SCLT1: variants seen among roughly 807,000 people sequenced by gnomAD.
SCLT1 encodes sodium channel-associated protein 1.
A neutral mutation model predicts 112.8 loss-of-function variants in SCLT1; 78 were observed. The ratio of observed to expected loss-of-function variants is 0.69; its 90% CI spans 0.58 to 0.83. The LOEUF (loss-of-function observed/expected upper bound fraction) is 0.83. SCLT1 is among the 40% of genes least tolerant of loss of function. The pLI, the probability that SCLT1 is intolerant of heterozygous loss-of-function variation, is 0.00. For synonymous variants in SCLT1, 257 were observed against 254.7 expected (o/e 1.01, Z -0.09); for missense variants, 747 against 770.4 (o/e 0.97, Z 0.36).
Position 128,884,001 on chromosome 4 carries a change from A to G in SCLT1, c.*476T>C, listed in dbSNP as rs17348586. 0.052 allele frequency: 7,942 copies of G among 152,462 alleles called. 306 individuals are homozygous for G. Among genetic ancestry groups the G allele is most frequent in the Non-Finnish European group, 0.083 (5,647 of 68,130 alleles). 9.4% of individuals were successfully genotyped at this position (152,462 alleles called of 1,614,324 possible). A position where few individuals can be genotyped will look rare whatever the true frequency, so the allele number is the denominator to read the frequency against. On this transcript the variant is annotated 3_prime_UTR_variant, in exon 21 of 21. Transcript: ENST00000281142. Reference sequence around the variant, plus strand: ...AATACATGACAGCATCATTTTAGAAAGTGCACAATTTATTACATTTATGAG... The same window carrying G: ...AATACATGACAGCATCATTTTAGAAGGTGCACAATTTATTACATTTATGAG...
intron 2 of SCLT1, among the ~76,000 whole-genome samples, chr4:129,066,820 A>G (rs1322464912): frequency 2.0e-5 from 3 of 152,100 alleles, no homozygotes; most frequent in Non-Finnish European, 4.4e-5. Context: ...GACAAATGGC[A>G]CTATAAAGTA....
At chr4:128,931,752 G>A (rs1001949878) in intron 18 of SCLT1, among the ~76,000 whole-genome samples, 3 of 152,134 alleles carry the variant, frequency 2.0e-5, no homozygotes, top group African/African-American at 4.8e-5. Flanking sequence ...GTGAGCCACC[G>A]CACCCGGCCT....
chr4:128,991,406 T>C (rs1295729511), intron 9 of SCLT1, among the ~76,000 whole-genome samples: 1 of 151,836 alleles, frequency 6.6e-6, no homozygotes, highest in Non-Finnish European at 1.5e-5. Flanking sequence ...CTCCAGACAT[T>C]CATCTGGGTA....
intron 8 of SCLT1, among the ~76,000 whole-genome samples, chr4:128,994,897 T>C (rs1000125698): frequency 3.3e-5 from 5 of 152,186 alleles, no homozygotes; most frequent in African/African-American, 7.2e-5. Flanking sequence ...TGCTGAGTTA[T>C]AGAAATTCCT....
intron 5 of SCLT1, among the ~76,000 whole-genome samples, chr4:129,013,781 G>C (rs903540335): frequency 6.6e-6 from 1 of 152,120 alleles, no homozygotes; most frequent in African/African-American, 2.4e-5. Flanking sequence ...ATGATTATGT[G>C]TCTTGCGGAT....
chr4:129,023,678 C>T (rs758846787), intron 5 of SCLT1, among the ~76,000 whole-genome samples: 1 of 152,154 alleles, frequency 6.6e-6, no homozygotes, highest in Non-Finnish European at 1.5e-5. Context: ...GGGTGCCAGA[C>T]AGTGGGTGCA....
rs1313675852 is a variant in SCLT1 at position 129,003,786 on chromosome 4, A to G, written c.381T>C (p.Asp127=). 1.2e-6 allele frequency: 2 copies of G among 1,611,648 alleles called. No individual in the cohort carries two copies. The highest frequency in any genetic ancestry group is 1.7e-6 in the Non-Finnish European group (2 of 1,178,946). ...TEVGTDIYAD[D]ETVRNLQEQL... The stretch of plus-strand genomic sequence containing the variant: ...GTTCTTGAAGGTTTCTGACTGTTTC[A>G]TCATCTGCATATATGTCAGTTCCTA... The change falls in exon 6 of 21, where the codon GAT becomes GAC. Residue 127 remains aspartate (D), a synonymous_variant. Transcript: ENST00000281142.
At chr4:128,955,719 C>G (rs1560889369) in intron 13 of SCLT1, among the ~76,000 whole-genome samples, 1 of 152,030 alleles carries the variant, frequency 6.6e-6, no homozygotes, top group African/African-American at 2.4e-5. Flanking sequence ...TTTTAATTTT[C>G]TTTTATACAT....
chr4:128,941,790 C>T (rs901473496), intron 17 of SCLT1, among the ~76,000 whole-genome samples: 4 of 152,056 alleles, frequency 2.6e-5, no homozygotes, highest in African/African-American at 9.7e-5. Context: ...TCACATTTCA[C>T]ATTTAGGTCT....
chr4:129,031,641 A>G (rs1746732023), intron 5 of SCLT1, among the ~76,000 whole-genome samples: 1 of 152,086 alleles, frequency 6.6e-6, no homozygotes, highest in Admixed American at 6.5e-5. Context: ...AATGTGCAAA[A>G]TCAAAGGATT....
chr4:129,026,807 G>C (rs1020374855), intron 5 of SCLT1, among the ~76,000 whole-genome samples: 15 of 152,200 alleles, frequency 9.9e-5, no homozygotes, highest in African/African-American at 3.6e-4. Context: ...CCGCTAGCAA[G>C]ACTAATAAAG....
chr4:128,913,664 G>T (rs1339890208), intron 18 of SCLT1, among the ~76,000 whole-genome samples: 1 of 152,140 alleles, frequency 6.6e-6, no homozygotes, highest in Non-Finnish European at 1.5e-5. Context: ...AGGAAGAAGA[G>T]AAAGAAGGGC....
intron 18 of SCLT1, among the ~76,000 whole-genome samples, chr4:128,912,456 G>A (rs1735175753): frequency 6.6e-6 from 1 of 151,990 alleles, no homozygotes; most frequent in Non-Finnish European, 1.5e-5. Flanking sequence ...TATTATGACT[G>A]TCATAGAATT....
In SCLT1 at chr4:128,965,304, C is replaced by T; in HGVS notation, c.792G>A (p.Val264=). The change falls in exon 11 of 21, where the codon GTG becomes GTA. Residue 264 remains valine (V), a synonymous_variant. Transcript: ENST00000281142. The part of the protein sequence containing the change: ...GQMKKKEKDV[V]SAHGREEASD... ...ATGCTTCCTCTCTTCCATGGGCAGA[C>T]ACCACATCCTTCTCCTAGAAAATAA... is the stretch of plus-strand genomic sequence containing the variant. The T allele has an allele frequency of 6.2e-7, 1 of 1,605,902 alleles. No individual in the cohort carries two copies.
At chr4:128,882,605 T>C (rs952430487), downstream of SCLT1, among the ~76,000 whole-genome samples, 1 of 152,200 alleles carries the variant, frequency 6.6e-6, no homozygotes, top group Non-Finnish European at 1.5e-5. Flanking sequence ...GGGACTATAT[T>C]GGGTGCTAGG....
At chr4:128,906,672 C>G (rs1734719605) in intron 18 of SCLT1, among the ~76,000 whole-genome samples, 1 of 149,816 alleles carries the variant, frequency 6.7e-6, no homozygotes, top group African/African-American at 2.5e-5. Flanking sequence ...TTCCTCACAA[C>G]ATCTATTGTT....
At chr4:128,908,529 C>G (rs1192086185) in intron 18 of SCLT1, among the ~76,000 whole-genome samples, 1 of 152,026 alleles carries the variant, frequency 6.6e-6, no homozygotes, top group Non-Finnish European at 1.5e-5. Flanking sequence ...TTGTTTTGGA[C>G]AAGCGAATAT....
chr4:128,991,543 A>C (rs1244738278), intron 9 of SCLT1, among the ~76,000 whole-genome samples: 2 of 151,794 alleles, frequency 1.3e-5, no homozygotes, highest in Non-Finnish European at 2.9e-5. Flanking sequence ...AACCCACAGA[A>C]TGGAAGAAAA....
intron 9 of SCLT1, among the ~76,000 whole-genome samples, chr4:128,983,045 C>T (rs551930005): frequency 3.9e-5 from 6 of 151,942 alleles, no homozygotes; most frequent in Middle Eastern, 6.8e-3. Context: ...TATGCCACCA[C>T]GTCCGGCTAA....
Sources: gnomAD v4.1 joint callset for allele counts (sites outside exome capture counted in the v4.1 genomes callset) on GRCh38, gnomAD v4.1.1 for gene constraint, MANE v1.5 for transcripts, NCBI Gene and HGNC (gene_info 2026-07-23, HGNC 2026-07-21) for gene names.